Variants in MAGI1 observed in about 807,000 individuals in gnomAD.
MAGI1 encodes membrane associated guanylate kinase, WW and PDZ domain containing 1.
In MAGI1, 58 loss-of-function variants were observed where a neutral mutation model predicts 139.9. The observed-to-expected ratio is 0.41, with a 90% CI of 0.34 to 0.52. MAGI1 has a LOEUF of 0.52. MAGI1 is among the 20% of genes least tolerant of loss of function. The pLI, the probability that MAGI1 is intolerant of heterozygous loss-of-function variation, is 0.12. For missense variants in MAGI1, 1,874 were observed against 1,901.6 expected (o/e 0.99, Z 0.27); for synonymous variants, 812 against 737.9 (o/e 1.10, Z -1.63).
intron 1 of MAGI1, among the ~76,000 whole-genome samples, chr3:66,013,536 C>T (rs368272416): frequency 3.1e-4 from 47 of 151,586 alleles, no homozygotes; most frequent in Non-Finnish European, 5.6e-4. Flanking sequence ...CCAAGGTGGG[C>T]GGATCACGAG....
At chr3:65,815,152 T>G (rs941099154) in intron 1 of MAGI1, among the ~76,000 whole-genome samples, 1 of 152,170 alleles carries the variant, frequency 6.6e-6, no homozygotes, top group African/African-American at 2.4e-5. Context: ...GCTGAGCTAG[T>G]GGAAATCTCA....
chr3:65,626,647 C>G (rs914168218), intron 1 of MAGI1, among the ~76,000 whole-genome samples: 14 of 152,142 alleles, frequency 9.2e-5, no homozygotes, highest in African/African-American at 3.4e-4. Context: ...TAAGTATAAG[C>G]TCTTGGTTTA....
intron 1 of MAGI1, among the ~76,000 whole-genome samples, chr3:65,769,306 T>A (rs1044666987): frequency 1.3e-5 from 2 of 152,138 alleles, no homozygotes; most frequent in African/African-American, 4.8e-5. Context: ...ACATTGCACA[T>A]GCACTTTGAA....
intron 1 of MAGI1, among the ~76,000 whole-genome samples, chr3:65,675,546 C>T (rs577869102): frequency 7.7e-4 from 117 of 152,184 alleles, no homozygotes; most frequent in African/African-American, 2.7e-3. Context: ...CAAAACGGGG[C>T]AGCACAATGA....
chr3:65,741,822 C>T (rs1037070909), intron 1 of MAGI1, among the ~76,000 whole-genome samples: 3 of 152,164 alleles, frequency 2.0e-5, no homozygotes, highest in African/African-American at 7.2e-5. Context: ...AGGAGATCCA[C>T]ACTCTAGAAA....
At chr3:65,714,089 T>C (rs894372649) in intron 1 of MAGI1, among the ~76,000 whole-genome samples, 1 of 152,198 alleles carries the variant, frequency 6.6e-6, no homozygotes, top group Non-Finnish European at 1.5e-5. Flanking sequence ...AAAACAGGCA[T>C]GCCACCGCAC....
chr3:65,778,430 C>T (rs1455685203), intron 1 of MAGI1, among the ~76,000 whole-genome samples: 1 of 83,952 alleles, frequency 1.2e-5, no homozygotes, highest in Non-Finnish European at 2.3e-5. Context: ...AACTCTGTCT[C>T]AAAAAAAAAA....
intron 1 of MAGI1, among the ~76,000 whole-genome samples, chr3:65,876,096 A>T (rs752035210): frequency 7.2e-5 from 11 of 151,910 alleles, no homozygotes; most frequent in Non-Finnish European, 1.6e-4. Flanking sequence ...TTTAGGGAAG[A>T]ATTAGAGATG....
chr3:65,456,376 G>C (rs1949386592), intron 5 of MAGI1, among the ~76,000 whole-genome samples: 1 of 151,080 alleles, frequency 6.6e-6, no homozygotes, highest in Non-Finnish European at 1.5e-5. Flanking sequence ...TGAATGGTTT[G>C]ATATTTTTTT....
intron 1 of MAGI1, among the ~76,000 whole-genome samples, chr3:65,759,789 A>G (rs1456009382): frequency 6.6e-6 from 1 of 152,198 alleles, no homozygotes; most frequent in Non-Finnish European, 1.5e-5. Flanking sequence ...GATAGAGTCT[A>G]TACCTCCTTA....
chr3:65,782,307 G>C (rs959473970), intron 1 of MAGI1, among the ~76,000 whole-genome samples: 13 of 152,082 alleles, frequency 8.5e-5, no homozygotes, highest in Non-Finnish European at 1.9e-4. Context: ...AGGATACAAC[G>C]TTGCTAGCAG....
intron 7 of MAGI1, among the ~76,000 whole-genome samples, chr3:65,445,912 T>C (rs1948647727): frequency 6.6e-6 from 1 of 152,198 alleles, no homozygotes. Flanking sequence ...GTTGCTATTG[T>C]TTGAAATTAG....
intron 1 of MAGI1, among the ~76,000 whole-genome samples, chr3:66,027,129 G>A (rs957426987): frequency 1.1e-4 from 16 of 151,950 alleles, no homozygotes; most frequent in East Asian, 1.9e-4. Context: ...ATAGCCAGGC[G>A]TGGTGGCGGG....
At chr3:65,871,481 T>C (rs932393171) in intron 1 of MAGI1, among the ~76,000 whole-genome samples, 1 of 152,120 alleles carries the variant, frequency 6.6e-6, no homozygotes. Flanking sequence ...TGGGAATTGC[T>C]GAAGGGGAAA....
intron 1 of MAGI1, among the ~76,000 whole-genome samples, chr3:65,831,868 C>A (rs1178336649): frequency 6.6e-6 from 1 of 152,208 alleles, no homozygotes; most frequent in African/African-American, 2.4e-5. Context: ...TGTGTCACCA[C>A]ATATGTGGGC....
chr3:65,504,799 C>T (rs1163563519), intron 2 of MAGI1, among the ~76,000 whole-genome samples: 2 of 152,194 alleles, frequency 1.3e-5, no homozygotes, highest in Non-Finnish European at 2.9e-5. Flanking sequence ...GACCAGAAAA[C>T]ATTCCACAGG....
chr3:65,607,691 T>C (rs1309554692), intron 2 of MAGI1, among the ~76,000 whole-genome samples: 1 of 152,218 alleles, frequency 6.6e-6, no homozygotes, highest in African/African-American at 2.4e-5. Flanking sequence ...GTCTATATTT[T>C]ATCTTATTCT....
chr3:66,026,927 T>G (rs1230588440), intron 1 of MAGI1, among the ~76,000 whole-genome samples: 1 of 151,696 alleles, frequency 6.6e-6, no homozygotes, highest in African/African-American at 2.4e-5. Context: ...GGCTATGGGG[T>G]AGACACATTT....
intron 2 of MAGI1, among the ~76,000 whole-genome samples, chr3:65,504,353 T>C (rs1042526351): frequency 2.0e-5 from 3 of 152,244 alleles, no homozygotes; most frequent in Non-Finnish European, 2.9e-5. Flanking sequence ...CAACGTCTAT[T>C]CTTTATATGC....
Sources: allele counts gnomAD v4.1 joint callset (sites outside exome capture counted in the v4.1 genomes callset), GRCh38; gene constraint gnomAD v4.1.1; transcripts MANE v1.5; gene names NCBI Gene and HGNC (gene_info 2026-07-23, HGNC 2026-07-21).